SLTM: variants seen among roughly 807,000 people sequenced by gnomAD.
SLTM encodes the protein SAFB like transcription modulator, also known as SAFB-like transcription modulator.
SLTM carries 43 observed loss-of-function variants against 134.6 expected under a neutral mutation model. That is an observed-to-expected ratio of 0.32 (90% CI 0.25 to 0.41). The LOEUF is 0.41. Among genes scored for constraint, SLTM ranks in the 10% least tolerant of loss-of-function variants. SLTM has a pLI of 1.00. For synonymous variants in SLTM, 424 were observed against 432.3 expected, an observed-to-expected ratio of 0.98 and a Z score of 0.24; for missense variants, 1,055 against 1,288.8, an observed-to-expected ratio of 0.82 and a Z score of 2.78.
At chr15:58,900,269 G>A in intron 6 of SLTM, 1 of 220,744 alleles carries the variant, frequency 4.5e-6, no homozygotes, top group South Asian at 8.7e-5. Context: ...AGTGACAAAA[G>A]TGCAGATTGT....
intron 5 of SLTM, among the ~76,000 whole-genome samples, chr15:58,904,692 G>A (rs146653290): frequency 0.011 from 1,722 of 151,450 alleles, 34 homozygotes; most frequent in African/African-American, 0.04. Context: ...CACCACACCC[G>A]GCCAATTTTT....
At chr15:58,909,152 G>A (rs1473203565) in intron 5 of SLTM, among the ~76,000 whole-genome samples, 1 of 152,104 alleles carries the variant, frequency 6.6e-6, no homozygotes, top group Non-Finnish European at 1.5e-5. Flanking sequence ...GCAGGAAATG[G>A]CACATCTTTA....
At chr15:58,883,927 G>A (rs2033958117) in intron 19 of SLTM, 141 bp from the exon 20 acceptor site, 6 of 799,026 alleles carry the variant, frequency 7.5e-6, no homozygotes, top group East Asian at 2.9e-5. Flanking sequence ...GTGCAACCCC[G>A]TTTCTACTAA....
chr15:58,916,175 TC>T (rs2036631207), intron 3 of SLTM, among the ~76,000 whole-genome samples: 3 of 90,216 alleles, frequency 3.3e-5, no homozygotes, highest in Non-Finnish European at 5.9e-5. Context: ...TCTCTCTCTC[TC>T]TCTTTTTTTT....
In SLTM at chr15:58,899,897, T is replaced by G; in HGVS notation, c.630A>C (p.Lys210Asn). The G allele has an allele frequency of 1.9e-6, 3 of 1,613,460 alleles. No homozygotes were observed. Among genetic ancestry groups the G allele is most frequent in the Non-Finnish European group, 2.5e-6 (3 of 1,179,802 alleles). Residue 210 changes from lysine to asparagine, a missense_variant, in exon 7 of 21, where the codon AAA (lysine) becomes AAC (asparagine). Physicochemically the swap from Lys to Asn is moderately conservative, Grantham distance 94 (BLOSUM62 0). Around this residue, in one of 3 missense-constraint regions of SLTM, gnomAD observed 268 missense variants for 284.3 expected, o/e 0.94. Transcript: ENST00000380516. The surrounding 1 kb of genome is among the most constrained non-coding windows in gnomAD (Gnocchi z 5.0). ...CTAGGCTCCCTTCTGAAGGAAGAGG[T>G]TTAGATACTTCTTGTGTACCATCAC... ...GSGDGTQEVS[K>N]PLPSEGSLAE...
chr15:58,897,110 T>C lies in SLTM; in HGVS notation c.1227+5A>G, dbSNP rs536591169. 1.3e-6 allele frequency: 2 copies of C among 1,554,434 alleles called. No individual in the cohort carries two copies. The highest frequency in any genetic ancestry group is 2.7e-5 in the African/African-American group (2 of 73,928). Reference sequence around the variant, plus strand: ...AAGACAGATAAAAAGGTAAAAAGAATGTACCTTTCCATATTTGCCAAAGAG... The same window carrying C: ...AAGACAGATAAAAAGGTAAAAAGAACGTACCTTTCCATATTTGCCAAAGAG... On this transcript the variant is annotated splice_donor_5th_base_variant and intron_variant, in intron 9 of 20. Transcript: ENST00000380516.
intron 8 of SLTM, chr15:58,898,522 T>C (rs2035253815): frequency 8.0e-6 from 2 of 249,890 alleles, no homozygotes; most frequent in Non-Finnish European, 1.5e-5. Context: ...AAGTATCTAT[T>C]AATATTCAAC....
At chr15:58,923,587 C>T (rs1277005116) in intron 2 of SLTM, among the ~76,000 whole-genome samples, 9 of 152,054 alleles carry the variant, frequency 5.9e-5, no homozygotes, top group African/African-American at 2.2e-4. Flanking sequence ...TTCCGACAAG[C>T]GGCACTATCT....
intron 5 of SLTM, among the ~76,000 whole-genome samples, chr15:58,902,552 AT>A (rs530592795): frequency 5.3e-4 from 78 of 146,054 alleles, no homozygotes; most frequent in East Asian, 1.4e-3. Context: ...TGTCCAGCGA[AT>A]TTTTTTTTTT....
intron 1 of SLTM, 104 bp from the exon 2 acceptor site, chr15:58,932,547 G>C (rs1035287242): frequency 2.8e-6 from 2 of 715,658 alleles, no homozygotes; most frequent in East Asian, 2.6e-5. Context: ...CAAGACATTA[G>C]AATTGCCAGT....
rs576223768 is a variant in SLTM at position 58,893,148 on chromosome 15, A to G, written c.1735-88T>C. 8.0e-5 allele frequency: 113 copies of G among 1,414,202 alleles called. 2 individuals carry two copies. In the South Asian group the frequency reaches 1.4e-3, roughly 18 times the overall value. 87.6% of individuals were successfully genotyped at this position (1,414,202 alleles called of 1,614,324 possible). On this transcript the variant is annotated intron_variant, in intron 13 of 20. Coordinates refer to ENST00000380516, the MANE Select transcript of SLTM (RefSeq NM_024755.4). ...TTAGTAGGTCATTTAAAAAGTTCAAATGACTAGTAACATTTCCTTTTTCTT... is the reference window on the plus strand; with the variant it reads ...TTAGTAGGTCATTTAAAAAGTTCAAGTGACTAGTAACATTTCCTTTTTCTT...
chr15:58,894,829 C>T (rs377512913), intron 9 of SLTM, among the ~76,000 whole-genome samples: 1 of 151,576 alleles, frequency 6.6e-6, no homozygotes, highest in Non-Finnish European at 1.5e-5. Flanking sequence ...TTCAGCCTCT[C>T]AAGTAGCTGG....
intron 2 of SLTM, among the ~76,000 whole-genome samples, chr15:58,924,094 C>T (rs2037296502): frequency 6.6e-6 from 1 of 152,030 alleles, no homozygotes; most frequent in Non-Finnish European, 1.5e-5. Flanking sequence ...GGATTAGAGG[C>T]GTGAGCCACC....
intron 2 of SLTM, among the ~76,000 whole-genome samples, chr15:58,929,822 G>A (rs1379324601): frequency 2.0e-5 from 3 of 152,140 alleles, no homozygotes; most frequent in African/African-American, 7.2e-5. Context: ...ACGCATTTAA[G>A]CAAAACTGGC....
intron 2 of SLTM, among the ~76,000 whole-genome samples, chr15:58,927,561 C>T (rs1292077587): frequency 6.6e-6 from 1 of 152,158 alleles, no homozygotes; most frequent in African/African-American, 2.4e-5. Context: ...GTGAGCCATG[C>T]GCCTGGCCCA....
At chr15:58,925,481 G>A (rs985312299) in intron 2 of SLTM, among the ~76,000 whole-genome samples, 12 of 152,210 alleles carry the variant, frequency 7.9e-5, no homozygotes, top group Middle Eastern at 3.4e-3. Flanking sequence ...AAGGTTACAC[G>A]TGCCCAACAC....
Position 58,899,197 on chromosome 15 carries a change from A to T in SLTM, c.1058+272T>A, listed in dbSNP as rs887127743. On this transcript the variant is annotated intron_variant, in intron 7 of 20. Coordinates refer to ENST00000380516, the MANE Select transcript of SLTM (RefSeq NM_024755.4). This position sits in a 1 kb window ranked among gnomAD's most constrained non-coding sequence, Gnocchi z 5.0. ...ATTTTAAAAAATAAAACACAAAAAAATTGTCAATTTGAAAAAAAAAAACAA... is the reference window on the plus strand; with the variant it reads ...ATTTTAAAAAATAAAACACAAAAAATTTGTCAATTTGAAAAAAAAAAACAA... 8 of 457,770 alleles carry T rather than the reference A, an allele frequency of 1.7e-5. No homozygotes were observed. Among genetic ancestry groups the T allele is most frequent in the East Asian group, 3.6e-5 (1 of 28,092 alleles). 28.4% of individuals were successfully genotyped at this position (457,770 alleles called of 1,614,324 possible).
intron 15 of SLTM, 180 bp downstream of exon 15, chr15:58,890,101 A>T: frequency 1.5e-6 from 1 of 648,682 alleles, no homozygotes; most frequent in Non-Finnish European, 2.6e-6. Context: ...GAACAAAGTC[A>T]CTACTAATTC....
intron 2 of SLTM, among the ~76,000 whole-genome samples, chr15:58,917,715 T>A (rs2036744470): frequency 6.6e-6 from 1 of 152,184 alleles, no homozygotes; most frequent in Non-Finnish European, 1.5e-5. Flanking sequence ...CTTCAAAACT[T>A]TGCAACCTGG....
Sources: allele counts gnomAD v4.1 joint callset (sites outside exome capture counted in the v4.1 genomes callset), GRCh38; gene constraint gnomAD v4.1.1; regional missense constraint gnomAD v4.1.1; non-coding constraint Gnocchi (gnomAD v3.1); transcripts MANE v1.5; gene names NCBI Gene and HGNC (gene_info 2026-07-23, HGNC 2026-07-21).